Variants in IGF1 observed in about 807,000 individuals in gnomAD.
The protein encoded by IGF1 is insulin-like growth factor 1.
Under a neutral mutation model 13.8 loss-of-function variants are expected in IGF1, and 4 were observed. That is an observed-to-expected ratio of 0.29 (90% confidence interval 0.14 to 0.66). The LOEUF is 0.66. Among genes scored for constraint, IGF1 ranks in the 30% least tolerant of loss-of-function variants. The probability of loss-of-function intolerance (pLI) is 0.78; values close to 1 mark genes in which losing one functional copy is unlikely to be tolerated. For synonymous variants in IGF1, 76 were observed against 72.6 expected (o/e 1.05, Z -0.23); for missense variants, 124 against 188.5 (o/e 0.66, Z 2.00).
chr12:102,475,390 T>C (rs1396032953), intron 2 of IGF1, among the ~76,000 whole-genome samples: 2 of 152,082 alleles, frequency 1.3e-5, no homozygotes, highest in Admixed American at 6.6e-5. Flanking sequence ...TGGATCATAA[T>C]AGTTGAAAGA....
intron 3 of IGF1, among the ~76,000 whole-genome samples, chr12:102,415,552 T>TTCCTTCCTTCCTTCCTTCCTTCCGTCCG (rs1565966748): frequency 3.2e-5 from 4 of 123,454 alleles, no homozygotes; most frequent in African/African-American, 9.8e-5. Flanking sequence ...CTTTCCTTCC[T>TTCCTTCCTTCCTTCCTTCCTTCCGTCCG]TCCTTCCTTC....
At chr12:102,454,515 A>G (rs1055051520) in intron 2 of IGF1, among the ~76,000 whole-genome samples, 2 of 152,248 alleles carry the variant, frequency 1.3e-5, no homozygotes, top group South Asian at 2.1e-4. Context: ...GGCCACCTGC[A>G]TGTGCCAATG....
rs1873499124 is a variant in IGF1 at position 102,399,423 on chromosome 12, G to C, written c.*3084C>G. On this transcript the variant is annotated 3_prime_UTR_variant, in exon 4 of 4. Transcript: ENST00000337514. ...AATTGCCTCATTCAAGAATTATAAA[G>C]CAATCTAATTCTGAAGCAAAGCTTG... is the stretch of plus-strand genomic sequence containing the variant. 6.6e-6 allele frequency: 1 copy of C among 152,178 alleles called. No homozygotes were observed. The allele number at this position is 152,178 out of a possible 1,614,324, so 9.4% of individuals were successfully genotyped here.
intron 3 of IGF1, among the ~76,000 whole-genome samples, chr12:102,413,009 C>T (rs1239070036): frequency 6.6e-6 from 1 of 152,196 alleles, no homozygotes; most frequent in Non-Finnish European, 1.5e-5. Flanking sequence ...TTTCACCTTG[C>T]AGGTCTGGAA....
chr12:102,437,069 C>T (rs1877311121), intron 2 of IGF1, among the ~76,000 whole-genome samples: 2 of 152,220 alleles, frequency 1.3e-5, no homozygotes, highest in South Asian at 2.1e-4. Flanking sequence ...CACTTCCTTC[C>T]TGCTGCCTTG....
rs147829707 is a variant in IGF1 at position 102,415,172 on chromosome 12, C to G, written c.402+4337G>C. ...TAGGAGAATAGGAATCATTTCATCT[C>G]AGAAGTGCCACTTGTTTTTATGGTG... On this transcript the variant is annotated intron_variant, in intron 3 of 3. Transcript: ENST00000337514. Among the ~76,000 whole-genome samples, 426 of 152,224 alleles carry G rather than the reference C, an allele frequency of 2.8e-3. 3 individuals carry two copies. The highest frequency in any genetic ancestry group is 9.5e-3 in the African/African-American group (394 of 41,510).
intron 1 of IGF1, among the ~76,000 whole-genome samples, chr12:102,479,794 C>T (rs1881293125): frequency 6.6e-6 from 1 of 152,088 alleles, no homozygotes; most frequent in Non-Finnish European, 1.5e-5. Flanking sequence ...AGTTCCGGGA[C>T]CTTAGCTCCA....
intron 2 of IGF1, among the ~76,000 whole-genome samples, chr12:102,460,639 A>G (rs1879825996): frequency 6.6e-6 from 1 of 152,214 alleles, no homozygotes; most frequent in African/African-American, 2.4e-5. Context: ...AATAATCTCC[A>G]TATCCGTCAG....
rs1479392035 is a variant in IGF1, at chr12:102,480,400, T to C, written c.-19A>G. 1.2e-6 allele frequency: 2 copies of C among 1,613,228 alleles called. No individual in the cohort carries two copies. The highest frequency in any genetic ancestry group is 1.7e-6 in the Non-Finnish European group (2 of 1,179,596). ...TTCCCATTGCTTCTGAAGTACAAAG[T>C]CTGAAAATGAATTGGTTAGCAGGAA... On this transcript the variant is annotated 5_prime_UTR_variant, in exon 1 of 4. Coordinates refer to ENST00000337514, the MANE Select transcript of IGF1 (RefSeq NM_000618.5).
At chr12:102,460,519 C>T (rs1454606707) in intron 2 of IGF1, among the ~76,000 whole-genome samples, 8 of 152,140 alleles carry the variant, frequency 5.3e-5, no homozygotes, top group Non-Finnish European at 1.2e-4. Flanking sequence ...AGAGCAGGTG[C>T]CCAGCTGATG....
chr12:102,410,907 G>A (rs1874581131), intron 3 of IGF1, among the ~76,000 whole-genome samples: 1 of 152,198 alleles, frequency 6.6e-6, no homozygotes, highest in African/African-American at 2.4e-5. Context: ...TCTGTTTGAG[G>A]TTGATGGGGG....
At chr12:102,425,149 A>G (rs927653357) in intron 2 of IGF1, among the ~76,000 whole-genome samples, 3 of 152,184 alleles carry the variant, frequency 2.0e-5, no homozygotes, top group African/African-American at 7.2e-5. Flanking sequence ...TAATATATCT[A>G]TTGCCTGCCT....
At chr12:102,477,274 G>GAAA (rs539813999) in intron 1 of IGF1, among the ~76,000 whole-genome samples, 2 of 96,122 alleles carry the variant, frequency 2.1e-5, no homozygotes, top group African/African-American at 3.9e-5. Context: ...AGCAACTGAG[G>GAAA]AAAAAAAAAA....
At chr12:102,459,414 C>CT (rs1189852782) in intron 2 of IGF1, among the ~76,000 whole-genome samples, 1 of 151,932 alleles carries the variant, frequency 6.6e-6, no homozygotes, top group Non-Finnish European at 1.5e-5. Context: ...ATGGAGGAGG[C>CT]TGTTGCAATA....
At chr12:102,406,326 G>T (rs531476632) in intron 3 of IGF1, among the ~76,000 whole-genome samples, 1 of 152,210 alleles carries the variant, frequency 6.6e-6, no homozygotes. Flanking sequence ...AGAAGCAGCC[G>T]TCATCAGAGC....
At chr12:102,478,651 C>G in intron 1 of IGF1, 1 of 1,399,760 alleles carries the variant, frequency 7.1e-7, no homozygotes, top group Non-Finnish European at 9.4e-7. Flanking sequence ...GGCAGGTATG[C>G]TATTATGAGC....
In IGF1 at chr12:102,417,441, C is replaced by G. The variant is rs529314641; in HGVS notation, c.402+2068G>C. The G allele has an allele frequency of 4.9e-5, 31 of 626,610 alleles. 1 individual carries two copies. The African/African-American group carries it at 5.9e-4, about 12-fold the overall frequency. 38.8% of individuals were successfully genotyped at this position (626,610 alleles called of 1,614,324 possible). On this transcript the variant is annotated intron_variant, in intron 3 of 3. Transcript: ENST00000337514. ...TGAACATATATTGACATAGGCAATT[C>G]TTCCATAACAGATTCATACAAAATT...
chr12:102,475,619 A>C, intron 2 of IGF1, 24 bp downstream of exon 2: 3 of 1,613,660 alleles, frequency 1.9e-6, no homozygotes, highest in Non-Finnish European at 2.5e-6. Flanking sequence ...CTTGAGCAGC[A>C]CATTGAGAGG....
chr12:102,417,683 A>C (rs1459077803), intron 3 of IGF1: 1 of 1,485,550 alleles, frequency 6.7e-7, no homozygotes, highest in Non-Finnish European at 8.8e-7. Flanking sequence ...GGTTACTTCT[A>C]TTTCCATCAC....
Sources: allele counts gnomAD v4.1 joint callset (sites outside exome capture counted in the v4.1 genomes callset), GRCh38; gene constraint gnomAD v4.1.1; transcripts MANE v1.5; gene names NCBI Gene and HGNC (gene_info 2026-07-23, HGNC 2026-07-21).